The following TEAD1 variants were observed in gnomAD, a reference collection of about 807,000 sequenced individuals.
TEAD1 encodes the protein transcriptional enhancer factor TEF-1.
TEAD1 carries 9 observed loss-of-function variants against 54.9 expected under a neutral mutation model. That is an observed-to-expected ratio of 0.16 (90% confidence interval 0.10 to 0.29). The LOEUF (loss-of-function observed/expected upper bound fraction) is 0.29, where lower values mean the gene tolerates loss of function less well. TEAD1 is among the 10% of genes least tolerant of loss of function. TEAD1 has a pLI of 1.00. For synonymous variants in TEAD1, 200 were observed against 187.8 expected, an observed-to-expected ratio of 1.07 and a Z score of -0.53; for missense variants, 387 against 535.9, an observed-to-expected ratio of 0.72 and a Z score of 2.74.
chr11:12,897,775 ATAG>A (rs1948341888), intron 9 of TEAD1, among the ~76,000 whole-genome samples: 1 of 152,224 alleles, frequency 6.6e-6, no homozygotes, highest in Non-Finnish European at 1.5e-5. Flanking sequence ...ATTTAACTTC[ATAG>A]AAGTTTTAAA....
intron 2 of TEAD1, among the ~76,000 whole-genome samples, chr11:12,683,954 G>T (rs1385625522): frequency 2.0e-5 from 3 of 152,202 alleles, no homozygotes; most frequent in Non-Finnish European, 4.4e-5. Context: ...ATAAATTTCA[G>T]TTGTGCCCAC....
chr11:12,731,007 C>T (rs1190330413), intron 2 of TEAD1, among the ~76,000 whole-genome samples: 5 of 152,004 alleles, frequency 3.3e-5, no homozygotes, highest in African/African-American at 1.2e-4. Context: ...CGGCCCCTTT[C>T]CTACATAGTT....
At chr11:12,828,007 G>A (rs1392288982) in intron 3 of TEAD1, 2 of 152,194 alleles carry the variant, frequency 1.3e-5, no homozygotes, top group African/African-American at 2.4e-5. Context: ...AGTAGCAGTT[G>A]GTGAGACTTT....
intron 3 of TEAD1, among the ~76,000 whole-genome samples, chr11:12,794,451 C>T (rs930408662): frequency 6.6e-6 from 1 of 152,078 alleles, no homozygotes; most frequent in African/African-American, 2.4e-5. Flanking sequence ...AAAAAACAGC[C>T]CTCATGGTGT....
chr11:12,809,879 T>G (rs918752157), intron 3 of TEAD1, among the ~76,000 whole-genome samples: 6 of 151,788 alleles, frequency 4.0e-5, no homozygotes, highest in African/African-American at 1.5e-4. Context: ...GTTATGGAAA[T>G]GTTCCTGAGG....
chr11:12,896,562 T>G (rs1001991760), intron 9 of TEAD1, among the ~76,000 whole-genome samples: 2 of 152,240 alleles, frequency 1.3e-5, no homozygotes, highest in African/African-American at 4.8e-5. Flanking sequence ...TCATGTTTTC[T>G]AGGTGATTTC....
intron 3 of TEAD1, among the ~76,000 whole-genome samples, chr11:12,808,425 C>A (rs1946223955): frequency 6.6e-6 from 1 of 152,198 alleles, no homozygotes; most frequent in African/African-American, 2.4e-5. Flanking sequence ...TAGTTTCTAG[C>A]AGCCCAGAGT....
chr11:12,720,612 G>A (rs1366173102), intron 2 of TEAD1, among the ~76,000 whole-genome samples: 2 of 152,282 alleles, frequency 1.3e-5, no homozygotes, highest in East Asian at 3.9e-4. Context: ...GTGAAGGCAG[G>A]ATTTGAATCC....
At chr11:12,684,085 A>ACC (rs1316424489) in intron 2 of TEAD1, among the ~76,000 whole-genome samples, 1 of 152,136 alleles carries the variant, frequency 6.6e-6, no homozygotes, top group Non-Finnish European at 1.5e-5. Context: ...CTTGAGGAAC[A>ACC]CCCAAGGCTG....
intron 2 of TEAD1, among the ~76,000 whole-genome samples, chr11:12,744,235 C>G (rs765841791): frequency 4.6e-5 from 7 of 152,138 alleles, no homozygotes; most frequent in Non-Finnish European, 7.3e-5. Flanking sequence ...CAGCCTCTGT[C>G]TTCATGAGGT....
At chr11:12,724,943 T>G (rs1389184828) in intron 2 of TEAD1, among the ~76,000 whole-genome samples, 1 of 152,166 alleles carries the variant, frequency 6.6e-6, no homozygotes, top group Non-Finnish European at 1.5e-5. Context: ...GCCCTGGGGC[T>G]TTGCTTTATG....
chr11:12,735,240 C>G (rs1051042090), intron 2 of TEAD1, among the ~76,000 whole-genome samples: 1 of 152,174 alleles, frequency 6.6e-6, no homozygotes, highest in Non-Finnish European at 1.5e-5. Context: ...CTCCTTTCTC[C>G]TTAGCTAGCC....
chr11:12,777,124 A>G (rs1325583461), intron 3 of TEAD1, among the ~76,000 whole-genome samples: 4 of 151,992 alleles, frequency 2.6e-5, no homozygotes, highest in South Asian at 4.2e-4. Flanking sequence ...TCTTGTGTCA[A>G]TGTACTCTCC....
At chr11:12,811,104 G>A (rs1276648066) in intron 3 of TEAD1, among the ~76,000 whole-genome samples, 1 of 152,222 alleles carries the variant, frequency 6.6e-6, no homozygotes, top group Non-Finnish European at 1.5e-5. Context: ...GCCTAAAACA[G>A]CTATGTCCAC....
At chr11:12,764,580 A>G in intron 3 of TEAD1, 146 bp downstream of exon 3, 1 of 944,532 alleles carries the variant, frequency 1.1e-6, no homozygotes, top group South Asian at 1.5e-5. Flanking sequence ...CAAAGGACTC[A>G]CCCTAAACTA....
intron 3 of TEAD1, among the ~76,000 whole-genome samples, chr11:12,767,010 TCTA>T (rs1240509293): frequency 1.3e-5 from 2 of 152,158 alleles, no homozygotes; most frequent in African/African-American, 4.8e-5. Context: ...GAGCTTTGCT[TCTA>T]CTGCTACCTT....
chr11:12,747,988 G>C (rs910773998), intron 2 of TEAD1, among the ~76,000 whole-genome samples: 1 of 150,528 alleles, frequency 6.6e-6, no homozygotes, highest in African/African-American at 2.5e-5. Context: ...TTGAGACAGA[G>C]TCTTGCTCTG....
intron 8 of TEAD1, 103 bp from the exon 9 acceptor site, chr11:12,882,898 T>G: frequency 1.3e-6 from 2 of 1,576,276 alleles, no homozygotes; most frequent in Non-Finnish European, 1.7e-6. Context: ...AGGGGGCTGT[T>G]GGCATTTCCT....
intron 3 of TEAD1, among the ~76,000 whole-genome samples, chr11:12,845,012 C>T (rs1463273099): frequency 7.6e-6 from 1 of 132,086 alleles, no homozygotes; most frequent in Non-Finnish European, 1.5e-5. Context: ...GTCGCCCAGG[C>T]TAAAGTGCAG....
Sources: gnomAD v4.1 joint callset for allele counts (sites outside exome capture counted in the v4.1 genomes callset) on GRCh38, gnomAD v4.1.1 for gene constraint, MANE v1.5 for transcripts, NCBI Gene and HGNC (gene_info 2026-07-23, HGNC 2026-07-21) for gene names.